Variants in NBAS observed in about 807,000 individuals in gnomAD.
NBAS encodes the protein NAG/BC035112 fusion.
Under a neutral mutation model 302.5 loss-of-function variants are expected in NBAS, and 219 were observed. The ratio of observed to expected loss-of-function variants is 0.72; its 90% confidence interval spans 0.65 to 0.81. NBAS has a LOEUF of 0.81. Among genes scored for constraint, NBAS ranks in the 30% least tolerant of loss-of-function variants. The pLI is 0.00. For synonymous variants in NBAS, 1,118 were observed against 1,021.6 expected (o/e 1.09, Z -1.80); for missense variants, 2,932 against 2,841.6 (o/e 1.03, Z -0.72).
chr2:15,294,057 T>C (rs1245104189), intron 40 of NBAS, among the ~76,000 whole-genome samples: 1 of 152,228 alleles, frequency 6.6e-6, no homozygotes, highest in Non-Finnish European at 1.5e-5. Flanking sequence ...AAATTTCTTG[T>C]GCACCTGTTA....
intron 28 of NBAS, among the ~76,000 whole-genome samples, chr2:15,384,526 C>G (rs987874238): frequency 2.9e-4 from 6 of 20,564 alleles, no homozygotes; most frequent in Non-Finnish European, 7.3e-4. Flanking sequence ...ATGAAAAGAC[C>G]CCCCCCCCAT....
chr2:15,460,456 C>T (rs1342165739), intron 21 of NBAS, among the ~76,000 whole-genome samples: 1 of 152,176 alleles, frequency 6.6e-6, no homozygotes, highest in Non-Finnish European at 1.5e-5. Context: ...TACTCTTTTG[C>T]CTTATGCCTC....
rs141154617 is a variant in NBAS, at chr2:15,366,610, G to A, written c.3787C>T (p.Leu1263=). The A allele has an allele frequency of 2.1e-4, 335 of 1,614,006 alleles. No homozygotes were observed. The highest frequency in any genetic ancestry group is 2.5e-4 in the Non-Finnish European group (298 of 1,180,000). ...ACCCTCAGCAGCTCAGCAAGGCCCA[G>A]AAGCTTGGTGGATTGTTTATAGCAT... ...PTCYKQSTKL[L]GLAELLRVAG... Residue 1263 remains leucine, a synonymous_variant, in exon 32 of 52, where the codon CTG becomes TTG. Coordinates refer to ENST00000281513, the MANE Select transcript of NBAS (RefSeq NM_015909.4).
the NBAS span, among the ~76,000 whole-genome samples, chr2:15,008,086 C>A: frequency 2.0e-5 from 3 of 152,204 alleles, no homozygotes; most frequent in Non-Finnish European, 4.4e-5. Context: ...TTAGCCATGG[C>A]AACAACTTCC....
intron 32 of NBAS, among the ~76,000 whole-genome samples, chr2:15,366,178 G>T (rs1185797469): frequency 1.3e-5 from 2 of 152,170 alleles, no homozygotes; most frequent in African/African-American, 4.8e-5. Context: ...AGACACTGAA[G>T]GTGAACTGGT....
the NBAS span, among the ~76,000 whole-genome samples, chr2:15,046,834 A>G: frequency 6.6e-6 from 1 of 152,162 alleles, no homozygotes; most frequent in Non-Finnish European, 1.5e-5. Flanking sequence ...TCCCCAGGTG[A>G]ATACTGTGCC....
Position 15,478,075 on chromosome 2 carries a change from A to G in NBAS, c.1147+151T>C, listed in dbSNP as rs540162112. On this transcript the variant is annotated intron_variant, in intron 13 of 51. Coordinates refer to ENST00000281513, the MANE Select transcript of NBAS (RefSeq NM_015909.4). ...GAAAGCCTGACCATCAGAAAACTGG[A>G]TCTGTTGCCTTGACCCAACTCTATG... 1.3e-5 allele frequency: 4 copies of G among 306,488 alleles called. No homozygotes were observed. In the Admixed American group the frequency reaches 2.3e-4, roughly 17 times the overall value. 19.0% of individuals were successfully genotyped at this position (306,488 alleles called of 1,614,324 possible).
At chr2:15,003,599 T>C in the NBAS span, among the ~76,000 whole-genome samples, 2 of 152,210 alleles carry the variant, frequency 1.3e-5, no homozygotes, top group Admixed American at 1.3e-4. Context: ...TCATTCTCTC[T>C]TTAAAGGTGA....
At chr2:15,491,607 G>A (rs1680858139) in intron 11 of NBAS, among the ~76,000 whole-genome samples, 2 of 151,994 alleles carry the variant, frequency 1.3e-5, no homozygotes, top group African/African-American at 2.4e-5. Flanking sequence ...GTGGTGGTGG[G>A]CGCCTGTAGT....
intron 21 of NBAS, among the ~76,000 whole-genome samples, chr2:15,456,327 C>T (rs1357970257): frequency 6.6e-6 from 1 of 152,208 alleles, no homozygotes; most frequent in Non-Finnish European, 1.5e-5. Flanking sequence ...CCAGTGGGAT[C>T]TCAAAACAGA....
the NBAS span, among the ~76,000 whole-genome samples, chr2:15,078,159 G>A: frequency 6.6e-6 from 1 of 152,208 alleles, no homozygotes; most frequent in Non-Finnish European, 1.5e-5. Context: ...GGTGTCAGTA[G>A]ATAATTTGTG....
chr2:14,946,720 T>G, the NBAS span, among the ~76,000 whole-genome samples: 1 of 152,180 alleles, frequency 6.6e-6, no homozygotes, highest in Non-Finnish European at 1.5e-5. Context: ...ACCCAACTAT[T>G]GTAGAATAAA....
chr2:15,000,645 A>G, the NBAS span, among the ~76,000 whole-genome samples: 1 of 152,362 alleles, frequency 6.6e-6, no homozygotes, highest in Non-Finnish European at 1.5e-5. Context: ...CCAAGATTCC[A>G]AGAAATTGTG....
chr2:15,093,267 T>A, the NBAS span, among the ~76,000 whole-genome samples: 1 of 151,832 alleles, frequency 6.6e-6, no homozygotes, highest in South Asian at 2.1e-4. Context: ...AATACAAAAA[T>A]TAGTGGGTTG....
At chr2:14,912,197 C>T in the NBAS span, among the ~76,000 whole-genome samples, 18 of 152,136 alleles carry the variant, frequency 1.2e-4, no homozygotes, top group Admixed American at 5.9e-4. Context: ...ACAGGATCGC[C>T]GTTGTATATG....
At chr2:14,930,643 C>T in the NBAS span, among the ~76,000 whole-genome samples, 6 of 152,322 alleles carry the variant, frequency 3.9e-5, no homozygotes, top group East Asian at 1.2e-3. Context: ...ATATGTGATT[C>T]ATGCCCATGG....
intron 44 of NBAS, among the ~76,000 whole-genome samples, chr2:15,263,542 C>G (rs1170795213): frequency 6.6e-6 from 1 of 152,164 alleles, no homozygotes; most frequent in Non-Finnish European, 1.5e-5. Flanking sequence ...TCTTTCTGGC[C>G]TCATCCTATG....
the NBAS span, among the ~76,000 whole-genome samples, chr2:14,969,324 A>G: frequency 1.3e-5 from 2 of 152,270 alleles, no homozygotes; most frequent in East Asian, 1.9e-4. Flanking sequence ...CATTGATCAC[A>G]TACCTTACCT....
intron 32 of NBAS, among the ~76,000 whole-genome samples, chr2:15,361,619 T>C (rs2148327790): frequency 1.3e-5 from 2 of 152,322 alleles, no homozygotes; most frequent in Middle Eastern, 3.4e-3. Flanking sequence ...TTTGGATATG[T>C]AGGCTAAAAA....
Sources: gnomAD v4.1 joint callset for allele counts (sites outside exome capture counted in the v4.1 genomes callset) on GRCh38, gnomAD v4.1.1 for gene constraint, MANE v1.5 for transcripts, NCBI Gene and HGNC (gene_info 2026-07-23, HGNC 2026-07-21) for gene names.